Variants in MTX2 observed in about 807,000 individuals in gnomAD.
MTX2 encodes metaxin-2.
A neutral mutation model predicts 42.3 loss-of-function variants in MTX2; 35 were observed. The observed-to-expected ratio is 0.83, with a 90% CI of 0.63 to 1.10. MTX2 has a LOEUF of 1.10. Ranked by LOEUF, MTX2 falls within the 50% of genes least tolerant of loss-of-function variation. The pLI, the probability that MTX2 is intolerant of heterozygous loss-of-function variation, is 0.00. For missense variants in MTX2, 307 were observed against 304.1 expected (o/e 1.01, Z -0.07); for synonymous variants, 119 against 100.9 (o/e 1.18, Z -1.08).
chr2:176,278,620 C>T (rs546171820), intron 1 of MTX2, among the ~76,000 whole-genome samples: 165 of 152,176 alleles, frequency 1.1e-3, no homozygotes, highest in Middle Eastern at 3.4e-3. Flanking sequence ...CCCAAGCTTG[C>T]CATATTTTGG....
intron 1 of MTX2, among the ~76,000 whole-genome samples, chr2:176,290,359 AT>A (rs1294824570): frequency 6.6e-6 from 1 of 152,098 alleles, no homozygotes; most frequent in Admixed American, 6.6e-5. Flanking sequence ...AAAAAGGATG[AT>A]TTTATCAGAA....
chr2:176,310,232 C>T (rs961322317), intron 3 of MTX2, among the ~76,000 whole-genome samples: 5 of 149,616 alleles, frequency 3.3e-5, no homozygotes, highest in Non-Finnish European at 7.4e-5. Flanking sequence ...TGAATATTGG[C>T]CCCCAGTCTC....
At chr2:176,280,268 A>G (rs1693048325) in intron 1 of MTX2, among the ~76,000 whole-genome samples, 1 of 151,746 alleles carries the variant, frequency 6.6e-6, no homozygotes, top group South Asian at 2.1e-4. Context: ...GGAAAGTGCA[A>G]GTGTCAAAAT....
chr2:176,288,675 A>G (rs1339845315), intron 1 of MTX2, among the ~76,000 whole-genome samples: 2 of 151,670 alleles, frequency 1.3e-5, no homozygotes, highest in Non-Finnish European at 2.9e-5. Flanking sequence ...TAGAGTTATT[A>G]TAGCATTAAT....
At chr2:176,280,683 C>T (rs1355703331) in intron 1 of MTX2, among the ~76,000 whole-genome samples, 2 of 152,204 alleles carry the variant, frequency 1.3e-5, no homozygotes, top group Admixed American at 6.5e-5. Flanking sequence ...TACCTGTTCA[C>T]TCAGTAGTCA....
chr2:176,304,149 T>C (rs1431077119), intron 3 of MTX2: 3 of 154,422 alleles, frequency 1.9e-5, no homozygotes, highest in African/African-American at 7.2e-5. Context: ...CTACCCTGTG[T>C]GAGTGAAACA....
chr2:176,290,929 A>G (rs1693314513), intron 1 of MTX2, among the ~76,000 whole-genome samples: 1 of 152,126 alleles, frequency 6.6e-6, no homozygotes, highest in African/African-American at 2.4e-5. Flanking sequence ...TTTACATCAG[A>G]TGTTACTGCT....
chr2:176,308,063 G>A (rs139099664), intron 3 of MTX2, among the ~76,000 whole-genome samples: 1,584 of 152,144 alleles, frequency 0.01, 17 homozygotes, highest in Non-Finnish European at 0.014. Context: ...ACTATTTTGA[G>A]ATATGTTCCA....
chr2:176,331,057 A>G (rs769763730), intron 9 of MTX2, among the ~76,000 whole-genome samples: 7 of 151,320 alleles, frequency 4.6e-5, no homozygotes, highest in Middle Eastern at 3.4e-3. Flanking sequence ...GGAGGATTAG[A>G]AGAGTCAATA....
intron 1 of MTX2, among the ~76,000 whole-genome samples, chr2:176,292,951 C>T (rs1359439352): frequency 1.3e-5 from 2 of 152,240 alleles, no homozygotes; most frequent in Middle Eastern, 3.4e-3. Context: ...TGTTGAAATT[C>T]AGTAGCCCTT....
At chr2:176,303,292 A>G (rs1410051572) in intron 3 of MTX2, among the ~76,000 whole-genome samples, 2 of 152,164 alleles carry the variant, frequency 1.3e-5, no homozygotes, top group South Asian at 2.1e-4. Context: ...TAAAATTTGT[A>G]CATTCCTCTC....
chr2:176,310,393 TGAG>T (rs1320409483), intron 3 of MTX2, among the ~76,000 whole-genome samples: 1 of 152,168 alleles, frequency 6.6e-6, no homozygotes, highest in African/African-American at 2.4e-5. Flanking sequence ...TTGCTCTTGT[TGAG>T]GAGTATCTTT....
chr2:176,315,552 AG>A (rs1284350309), intron 3 of MTX2, among the ~76,000 whole-genome samples: 1 of 152,082 alleles, frequency 6.6e-6, no homozygotes, highest in Non-Finnish European at 1.5e-5. Flanking sequence ...ATCTCTGTGT[AG>A]TTGTTTGTGT....
chr2:176,333,203 A>T (rs918902903), intron 9 of MTX2, among the ~76,000 whole-genome samples: 4 of 151,560 alleles, frequency 2.6e-5, no homozygotes, highest in African/African-American at 7.2e-5. Flanking sequence ...TAGAGCTCAT[A>T]GGAGGGGAAT....
At chr2:176,291,290 TTTC>T (rs1388864258) in intron 1 of MTX2, among the ~76,000 whole-genome samples, 1 of 152,174 alleles carries the variant, frequency 6.6e-6, no homozygotes, top group African/African-American at 2.4e-5. Flanking sequence ...GCCATGAATT[TTTC>T]TTATCTTCCC....
intron 3 of MTX2, among the ~76,000 whole-genome samples, chr2:176,321,101 A>G (rs1271796508): frequency 2.0e-5 from 3 of 151,914 alleles, no homozygotes; most frequent in African/African-American, 7.3e-5. Context: ...ACTCTTCTTC[A>G]TATGTAATAG....
intron 1 of MTX2, among the ~76,000 whole-genome samples, chr2:176,282,126 G>GTTTTTTT (rs71004264): frequency 0.019 from 510 of 26,382 alleles, 122 homozygotes; most frequent in Non-Finnish European, 0.024. Context: ...AGTTACAGTA[G>GTTTTTTT]TTTTTTTTTT....
At chr2:176,327,114 G>A (rs1684726818) in intron 5 of MTX2, among the ~76,000 whole-genome samples, 2 of 150,998 alleles carry the variant, frequency 1.3e-5, no homozygotes, top group African/African-American at 4.8e-5. Flanking sequence ...ATTTATTAAA[G>A]GTATGTAATT....
intron 4 of MTX2, among the ~76,000 whole-genome samples, chr2:176,324,510 A>C (rs1179524664): frequency 6.6e-6 from 1 of 151,652 alleles, no homozygotes; most frequent in African/African-American, 2.4e-5. Context: ...TTATACGTAG[A>C]TTTTAGGAAC....
Sources: allele counts gnomAD v4.1 joint callset (sites outside exome capture counted in the v4.1 genomes callset), GRCh38; gene constraint gnomAD v4.1.1; transcripts MANE v1.5; gene names NCBI Gene and HGNC (gene_info 2026-07-23, HGNC 2026-07-21).